UNC5D: variants seen among roughly 807,000 people sequenced by gnomAD.
The protein encoded by UNC5D is netrin receptor UNC5D.
In UNC5D, 39 loss-of-function variants were observed where a neutral mutation model predicts 105.4. The observed-to-expected ratio is 0.37, with a 90% CI of 0.29 to 0.48. UNC5D has a LOEUF of 0.48. Ranked by LOEUF, UNC5D falls within the 20% of genes least tolerant of loss-of-function variation. The probability of loss-of-function intolerance (pLI) is 0.98; values close to 1 mark genes in which losing one functional copy is unlikely to be tolerated. For missense variants in UNC5D, 991 were observed against 1,202.4 expected, an observed-to-expected ratio of 0.82 and a Z score of 2.60; for synonymous variants, 452 against 450.4, an observed-to-expected ratio of 1.00 and a Z score of -0.04.
At chr8:35,678,038 G>GT (rs1232421852) in intron 4 of UNC5D, among the ~76,000 whole-genome samples, 2 of 151,902 alleles carry the variant, frequency 1.3e-5, no homozygotes, top group Non-Finnish European at 2.9e-5. Context: ...CTTATCAATA[G>GT]TTTTCAAACT....
chr8:35,447,375 G>T (rs1386679760), intron 1 of UNC5D, among the ~76,000 whole-genome samples: 7 of 152,086 alleles, frequency 4.6e-5, no homozygotes, highest in Admixed American at 4.6e-4. Context: ...TAAGAGAGCT[G>T]CAGCTAAACT....
At chr8:35,517,003 T>G (rs528722978) in intron 1 of UNC5D, among the ~76,000 whole-genome samples, 1 of 152,352 alleles carries the variant, frequency 6.6e-6, no homozygotes, top group Non-Finnish European at 1.5e-5. Context: ...TTGACATTCT[T>G]AAAAACCTGC....
chr8:35,623,327 A>G (rs769171230), intron 4 of UNC5D, among the ~76,000 whole-genome samples: 12 of 152,226 alleles, frequency 7.9e-5, no homozygotes, highest in Middle Eastern at 6.8e-3. Flanking sequence ...TAAAATCTCT[A>G]TTACTTTGGG....
chr8:35,375,459 C>T (rs1247709110), intron 1 of UNC5D, among the ~76,000 whole-genome samples: 1 of 152,126 alleles, frequency 6.6e-6, no homozygotes, highest in Non-Finnish European at 1.5e-5. Context: ...CGCAGTTGGG[C>T]TTTTATCTAA....
chr8:35,765,155 G>T (rs149889635), intron 14 of UNC5D, among the ~76,000 whole-genome samples: 2 of 152,308 alleles, frequency 1.3e-5, no homozygotes, highest in South Asian at 2.1e-4. Context: ...CTGATCTTAG[G>T]GGGGCAGTGA....
At chr8:35,541,089 A>G (rs1429400418) in intron 1 of UNC5D, among the ~76,000 whole-genome samples, 3 of 152,160 alleles carry the variant, frequency 2.0e-5, no homozygotes, top group African/African-American at 7.2e-5. Context: ...ATTAAATTTA[A>G]CCGAGTTGAA....
intron 7 of UNC5D, among the ~76,000 whole-genome samples, chr8:35,690,919 T>A (rs566925081): frequency 7.9e-5 from 12 of 152,332 alleles, no homozygotes; most frequent in Non-Finnish European, 1.5e-4. Context: ...CCTAAAGCAA[T>A]TCCTCAATTT....
intron 1 of UNC5D, among the ~76,000 whole-genome samples, chr8:35,523,447 T>G (rs1000311467): frequency 6.6e-6 from 1 of 152,058 alleles, no homozygotes; most frequent in African/African-American, 2.4e-5. Context: ...AAAGATACCC[T>G]GGTATAAGTA....
chr8:35,293,420 T>C (rs1202890544), intron 1 of UNC5D, among the ~76,000 whole-genome samples: 1 of 152,182 alleles, frequency 6.6e-6, no homozygotes, highest in African/African-American at 2.4e-5. Context: ...TTTCAGCTTG[T>C]CTAATGTCAA....
At chr8:35,652,915 ATTTTTTT>A (rs34611902) in intron 4 of UNC5D, among the ~76,000 whole-genome samples, 10 of 49,158 alleles carry the variant, frequency 2.0e-4, no homozygotes, top group South Asian at 7.7e-4. Context: ...ACAAGTGAGG[ATTTTTTT>A]TTTTTTTTTT....
intron 4 of UNC5D, among the ~76,000 whole-genome samples, chr8:35,668,012 A>C (rs577588488): frequency 6.6e-6 from 1 of 152,234 alleles, no homozygotes; most frequent in South Asian, 2.1e-4. Context: ...GTTTTGATAA[A>C]AGTTGTTAAG....
chr8:35,525,466 T>A, intron 1 of UNC5D: 1 of 1,612,322 alleles, frequency 6.2e-7, no homozygotes, highest in Middle Eastern at 2.2e-4. Flanking sequence ...TAGGCCTGGC[T>A]CAGCTTCTCC....
At chr8:35,260,007 T>C (rs1259267837) in intron 1 of UNC5D, among the ~76,000 whole-genome samples, 1 of 152,158 alleles carries the variant, frequency 6.6e-6, no homozygotes, top group African/African-American at 2.4e-5. Context: ...AAAAAGTGTC[T>C]CTGAAGATTT....
chr8:35,423,110 T>A (rs1267754864), intron 1 of UNC5D, among the ~76,000 whole-genome samples: 1 of 152,238 alleles, frequency 6.6e-6, no homozygotes, highest in East Asian at 1.9e-4. Context: ...GCAATGCAAC[T>A]TAACCTGTGG....
intron 2 of UNC5D, 128 bp downstream of exon 2, chr8:35,549,638 C>G (rs1815957858): frequency 1.2e-6 from 1 of 844,372 alleles, no homozygotes; most frequent in Non-Finnish European, 1.8e-6. Context: ...TACATCACTC[C>G]CAGCATATAA....
intron 1 of UNC5D, among the ~76,000 whole-genome samples, chr8:35,287,994 C>A (rs182924980): frequency 6.6e-6 from 1 of 152,088 alleles, no homozygotes; most frequent in African/African-American, 2.4e-5. Flanking sequence ...CTAACCTTTG[C>A]ATAATACAAA....
chr8:35,512,495 T>G (rs1458510160), intron 1 of UNC5D, among the ~76,000 whole-genome samples: 5 of 117,054 alleles, frequency 4.3e-5, no homozygotes, highest in African/African-American at 1.7e-4. Flanking sequence ...TATATATATA[T>G]ATATATATAT....
intron 4 of UNC5D, among the ~76,000 whole-genome samples, chr8:35,623,924 C>T (rs1390004836): frequency 1.3e-5 from 2 of 151,982 alleles, no homozygotes; most frequent in African/African-American, 2.4e-5. Flanking sequence ...ACTAAAGATA[C>T]AAAAAATTAG....
intron 1 of UNC5D, among the ~76,000 whole-genome samples, chr8:35,504,948 C>G (rs1812211289): frequency 6.6e-6 from 1 of 152,302 alleles, no homozygotes; most frequent in African/African-American, 2.4e-5. Flanking sequence ...CCCCCCAAAA[C>G]AGCCACTGTT....
Sources: allele counts gnomAD v4.1 joint callset (sites outside exome capture counted in the v4.1 genomes callset), GRCh38; gene constraint gnomAD v4.1.1; transcripts MANE v1.5; gene names NCBI Gene and HGNC (gene_info 2026-07-23, HGNC 2026-07-21).